Variants in FBXO34 observed in about 807,000 individuals in gnomAD.
The protein encoded by FBXO34 is F-box protein 34.
FBXO34 carries 12 observed loss-of-function variants against 24.5 expected under a neutral mutation model. The observed-to-expected ratio is 0.49, with a 90% CI of 0.31 to 0.79. FBXO34 has a LOEUF of 0.79. FBXO34 is among the 30% of genes least tolerant of loss of function. The pLI, the probability that FBXO34 is intolerant of heterozygous loss-of-function variation, is 0.04. For missense variants in FBXO34, 823 were observed against 857.7 expected, an observed-to-expected ratio of 0.96 and a Z score of 0.51; for synonymous variants, 320 against 311.9, an observed-to-expected ratio of 1.03 and a Z score of -0.27.
At chr14:55,288,011 C>T (rs989622156) in intron 1 of FBXO34, among the ~76,000 whole-genome samples, 2 of 152,126 alleles carry the variant, frequency 1.3e-5, no homozygotes, top group African/African-American at 4.8e-5. Flanking sequence ...TGTTGGAGCT[C>T]AAAAAGTTTT....
At chr14:55,311,609 T>C (rs1277165999) in intron 1 of FBXO34, among the ~76,000 whole-genome samples, 3 of 152,200 alleles carry the variant, frequency 2.0e-5, no homozygotes, top group African/African-American at 7.2e-5. Context: ...GTGGATCGGA[T>C]ACAGGCATTG....
At chr14:55,411,955 C>T in the FBXO34 span, 51 of 797,814 alleles carry the variant, frequency 6.4e-5, 1 homozygote, top group African/African-American at 5.9e-4. Context: ...GCCGCGTGTT[C>T]CTGTCCCGGG....
chr14:55,323,225 A>ATATTT (rs1555337925), intron 1 of FBXO34, among the ~76,000 whole-genome samples: 12 of 19,208 alleles, frequency 6.2e-4, no homozygotes, highest in East Asian at 4.2e-3. Flanking sequence ...AAAAATATAT[A>ATATTT]TTTTTTTTTT....
the FBXO34 span, among the ~76,000 whole-genome samples, chr14:55,389,558 C>T: frequency 6.6e-6 from 1 of 152,242 alleles, no homozygotes; most frequent in African/African-American, 2.4e-5. Context: ...AATGAGTAGA[C>T]AAGAAAAAGG....
the FBXO34 span, among the ~76,000 whole-genome samples, chr14:55,411,321 A>C: frequency 2.0e-4 from 30 of 152,360 alleles, no homozygotes; most frequent in Non-Finnish European, 5.9e-5. Context: ...ACTTCTCCAG[A>C]GAGTCACCAC....
At chr14:55,406,872 T>C in the FBXO34 span, among the ~76,000 whole-genome samples, 10 of 152,332 alleles carry the variant, frequency 6.6e-5, no homozygotes, top group South Asian at 2.1e-3. Context: ...TGCTTTATAT[T>C]TTTCTGCTTG....
chr14:55,420,444 C>T, the FBXO34 span, among the ~76,000 whole-genome samples: 1 of 152,176 alleles, frequency 6.6e-6, no homozygotes, highest in Non-Finnish European at 1.5e-5. Context: ...CAAAAATAAC[C>T]TAAACTGCGT....
intron 1 of FBXO34, among the ~76,000 whole-genome samples, chr14:55,308,626 A>G (rs948022488): frequency 1.3e-5 from 2 of 152,214 alleles, no homozygotes; most frequent in African/African-American, 4.8e-5. Context: ...TTTGAGGTTC[A>G]GGTTTTCAGA....
At position 55,351,944 on chromosome 14, in the gene FBXO34, C is replaced by T. The variant is rs1884400832; in HGVS notation, c.1554C>T (p.Asp518=). 6.2e-7 allele frequency: 1 copy of T among 1,614,012 alleles called. No individual in the cohort carries two copies. Among genetic ancestry groups the T allele is most frequent in the African/African-American group, 1.3e-5 (1 of 74,900 alleles). Residue 518 remains aspartate, a synonymous_variant, in exon 2 of 2, where the codon GAC becomes GAT. Coordinates refer to ENST00000313833, the MANE Select transcript of FBXO34 (RefSeq NM_017943.4). ...ASQLEDAAGG[D]SASEEKSGSA... ...AGCTTGAAGATGCTGCTGGGGGTGA[C>T]AGTGCATCTGAGGAAAAAAGTGGGT...
intron 1 of FBXO34, among the ~76,000 whole-genome samples, chr14:55,277,529 C>T (rs928093744): frequency 6.6e-6 from 1 of 151,936 alleles, no homozygotes; most frequent in African/African-American, 2.4e-5. Flanking sequence ...TAGATCTTGC[C>T]CAGTTTGGAG....
chr14:55,436,574 C>A, the FBXO34 span: 1 of 1,613,802 alleles, frequency 6.2e-7, no homozygotes, highest in East Asian at 2.2e-5. Context: ...AGTTGAGGTA[C>A]AATTCCACAA....
intron 1 of FBXO34, among the ~76,000 whole-genome samples, chr14:55,314,545 C>T (rs1882862808): frequency 6.6e-6 from 1 of 151,922 alleles, no homozygotes; most frequent in African/African-American, 2.4e-5. Flanking sequence ...ATCATTATGA[C>T]ATAGGAACAG....
chr14:55,288,937 G>A (rs972380290), intron 1 of FBXO34, among the ~76,000 whole-genome samples: 10 of 152,158 alleles, frequency 6.6e-5, no homozygotes, highest in African/African-American at 9.7e-5. Context: ...TGTAATCCCA[G>A]TTACTGGAGA....
chr14:55,385,748 C>G, the FBXO34 span: 1 of 955,478 alleles, frequency 1.0e-6, no homozygotes, highest in Non-Finnish European at 1.6e-6. Flanking sequence ...GTTCCATCAC[C>G]AGGAAAACCA....
chr14:55,375,490 A>AAAT, the FBXO34 span, among the ~76,000 whole-genome samples: 1 of 117,798 alleles, frequency 8.5e-6, no homozygotes, highest in Non-Finnish European at 1.7e-5. Flanking sequence ...GCCGGGCTAA[A>AAAT]TTTTTTTTTT....
the FBXO34 span, among the ~76,000 whole-genome samples, chr14:55,412,118 ACCATACCCTAAGGATT>A: frequency 6.6e-6 from 1 of 152,220 alleles, no homozygotes; most frequent in Non-Finnish European, 1.5e-5. Flanking sequence ...AAATTGTAAT[ACCATACCCTAAGGATT>A]CTGGGAAAAC....
chr14:55,363,087 A>G (rs968161940), downstream of FBXO34, among the ~76,000 whole-genome samples: 1 of 150,586 alleles, frequency 6.6e-6, no homozygotes, highest in Non-Finnish European at 1.5e-5. Flanking sequence ...TAATGGCACA[A>G]TCTTGGCTCA....
At chr14:55,282,028 T>TA (rs1403197400) in intron 1 of FBXO34, among the ~76,000 whole-genome samples, 3 of 132,046 alleles carry the variant, frequency 2.3e-5, no homozygotes, top group East Asian at 2.3e-4. Flanking sequence ...TACAGAGTCT[T>TA]ATTCTGTTGC....
At chr14:55,389,465 C>T in the FBXO34 span, among the ~76,000 whole-genome samples, 3 of 152,286 alleles carry the variant, frequency 2.0e-5, no homozygotes, top group East Asian at 1.9e-4. Flanking sequence ...TGAAACTCCA[C>T]GTGAGCACTT....
Sources: allele counts gnomAD v4.1 joint callset (sites outside exome capture counted in the v4.1 genomes callset), GRCh38; gene constraint gnomAD v4.1.1; transcripts MANE v1.5; gene names NCBI Gene and HGNC (gene_info 2026-07-23, HGNC 2026-07-21).